SBF2: variants seen among roughly 807,000 people sequenced by gnomAD.
The protein encoded by SBF2 is SET binding factor 2.
A neutral mutation model predicts 225.2 loss-of-function variants in SBF2; 112 were observed. That is an observed-to-expected ratio of 0.50 (90% CI 0.43 to 0.58). The LOEUF (loss-of-function observed/expected upper bound fraction) is 0.58. Among genes scored for constraint, SBF2 ranks in the 20% least tolerant of loss-of-function variants. The probability of loss-of-function intolerance (pLI) is 0.00; values close to 1 mark genes in which losing one functional copy is unlikely to be tolerated. For missense variants in SBF2, 1,996 were observed against 2,206.2 expected (o/e 0.90, Z 1.91); for synonymous variants, 763 against 773.3 (o/e 0.99, Z 0.22).
intron 1 of SBF2, among the ~76,000 whole-genome samples, chr11:10,235,827 C>A (rs1178211427): frequency 6.6e-6 from 1 of 151,946 alleles, no homozygotes; most frequent in African/African-American, 2.4e-5. Context: ...AAAATGTAGT[C>A]CAGGATGAGG....
chr11:10,074,570 C>A (rs542087556), intron 2 of SBF2, among the ~76,000 whole-genome samples: 4 of 152,240 alleles, frequency 2.6e-5, no homozygotes, highest in Non-Finnish European at 5.9e-5. Flanking sequence ...GCTATATATT[C>A]ATCTTTTGCT....
intron 1 of SBF2, among the ~76,000 whole-genome samples, chr11:10,293,120 A>C (rs188465530): frequency 1.3e-5 from 2 of 152,362 alleles, no homozygotes; most frequent in African/African-American, 4.8e-5. Flanking sequence ...GAATTGCCCT[A>C]AAATAGAAGT....
At chr11:10,140,789 C>T (rs749674755) in intron 2 of SBF2, among the ~76,000 whole-genome samples, 3 of 151,998 alleles carry the variant, frequency 2.0e-5, no homozygotes, top group Admixed American at 6.6e-5. Flanking sequence ...TGTAGTAACC[C>T]CAAGTATATA....
Position 9,845,642 on chromosome 11 carries a change from ACTG to A in SBF2, c.3030_3032del (p.Ser1011del). On this transcript the variant is annotated inframe_deletion, in exon 24 of 40. Coordinates refer to ENST00000256190, the MANE Select transcript of SBF2 (RefSeq NM_030962.4). ...TTTGTCCAGCAGCAAAAGCAAAGGT[ACTG>A]AAAATGGACTGAGGATAACGGAACT... The A allele has an allele frequency of 6.2e-7, 1 of 1,613,920 alleles. No homozygotes were observed. Among genetic ancestry groups the A allele is most frequent in the Non-Finnish European group, 8.5e-7 (1 of 1,179,774 alleles).
At chr11:9,995,696 G>A (rs1304009442) in intron 9 of SBF2, among the ~76,000 whole-genome samples, 1 of 150,380 alleles carries the variant, frequency 6.6e-6, no homozygotes, top group African/African-American at 2.5e-5. Context: ...TGTTGTCCAG[G>A]CTGGAGTGCA....
chr11:10,121,247 T>C (rs760541562), intron 2 of SBF2, among the ~76,000 whole-genome samples: 1 of 152,206 alleles, frequency 6.6e-6, no homozygotes, highest in Non-Finnish European at 1.5e-5. Context: ...AGGTAATGGT[T>C]GAAATACAAT....
chr11:10,296,483 G>C (rs183350986), upstream of SBF2, among the ~76,000 whole-genome samples: 198 of 152,232 alleles, frequency 1.3e-3, 2 homozygotes, highest in Middle Eastern at 0.027. Flanking sequence ...AACAGCAGGA[G>C]AAAGACCCGC....
intron 1 of SBF2, among the ~76,000 whole-genome samples, chr11:10,257,936 G>A (rs930627812): frequency 6.6e-6 from 1 of 152,086 alleles, no homozygotes; most frequent in African/African-American, 2.4e-5. Context: ...CAGCCTGGGT[G>A]ATAGAGCAAG....
chr11:9,962,297 T>C (rs900184977), intron 15 of SBF2, among the ~76,000 whole-genome samples, 191 bp from the exon 16 acceptor site: 2 of 152,258 alleles, frequency 1.3e-5, no homozygotes, highest in African/African-American at 2.4e-5. Context: ...TATTTTTATA[T>C]GTAAACCAGC....
At position 9,839,502 on chromosome 11, in the gene SBF2, G is replaced by A. The variant is rs140550985; in HGVS notation, c.3451C>T (p.Arg1151Trp). 3.5e-5 allele frequency: 56 copies of A among 1,613,898 alleles called. No individual in the cohort carries two copies. Among genetic ancestry groups the A allele is most frequent in the Non-Finnish European group, 4.4e-5 (52 of 1,179,904 alleles). Residue 1151 changes from arginine to tryptophan, a missense_variant, in exon 26 of 40, where the codon CGG (arginine) becomes TGG (tryptophan). Transcript: ENST00000256190. ...GGAGCCCACTGACACACTTACCTCC[G>A]GCAGAGTGAATACATCCTGTTGGAG... Reference protein sequence around the residue: ...TASNRMYSLCRSYPGLLVVPQ... With the variant: ...TASNRMYSLCWSYPGLLVVPQ...
At chr11:10,124,137 T>G (rs958761430) in intron 2 of SBF2, among the ~76,000 whole-genome samples, 4 of 152,244 alleles carry the variant, frequency 2.6e-5, no homozygotes, top group Admixed American at 1.3e-4. Context: ...GCAATATGTG[T>G]TTCTTCAGTG....
intron 22 of SBF2, among the ~76,000 whole-genome samples, chr11:9,848,844 C>A (rs939750965): frequency 1.3e-5 from 2 of 152,208 alleles, no homozygotes; most frequent in Non-Finnish European, 2.9e-5. Flanking sequence ...TGAACTGTTG[C>A]GCATTATATG....
chr11:10,104,006 C>T (rs953669710), intron 2 of SBF2, among the ~76,000 whole-genome samples: 1 of 151,810 alleles, frequency 6.6e-6, no homozygotes, highest in South Asian at 2.1e-4. Flanking sequence ...TCACTTGTGC[C>T]CAGGAGGTGG....
At chr11:9,842,277 C>T (rs1047221320) in intron 25 of SBF2, among the ~76,000 whole-genome samples, 7 of 152,192 alleles carry the variant, frequency 4.6e-5, no homozygotes, top group African/African-American at 1.7e-4. Context: ...TGTTCAATGT[C>T]CTTACCTTAA....
chr11:9,797,685 A>ACTGG (rs1264586305), intron 32 of SBF2, among the ~76,000 whole-genome samples: 1 of 152,238 alleles, frequency 6.6e-6, no homozygotes, highest in African/African-American at 2.4e-5. Context: ...AATTATAAAA[A>ACTGG]CTGGCTGGGC....
At chr11:10,250,392 T>G (rs929359888) in intron 1 of SBF2, among the ~76,000 whole-genome samples, 3 of 152,230 alleles carry the variant, frequency 2.0e-5, no homozygotes, top group African/African-American at 7.2e-5. Flanking sequence ...TTGTCCTTCT[T>G]GAGTCCTTAA....
At position 9,788,252 on chromosome 11, in the gene SBF2, C is replaced by G. The variant is rs1233506899; in HGVS notation, c.4933-514G>C. On this transcript the variant is annotated intron_variant, in intron 35 of 39. Coordinates refer to ENST00000256190, the MANE Select transcript of SBF2 (RefSeq NM_030962.4). ...GAAATCAGGGCAGCTGCCTCTGTGACTGTATGACCACTGAAGCATACTCTT... is the reference window on the plus strand; with the variant it reads ...GAAATCAGGGCAGCTGCCTCTGTGAGTGTATGACCACTGAAGCATACTCTT... 2.0e-5 allele frequency among the ~76,000 whole-genome samples: 3 copies of G among 152,200 alleles called. No homozygotes were observed. The East Asian group carries it at 5.8e-4, about 29-fold the overall frequency.
chr11:10,254,900 C>CAAAA lies in SBF2; in HGVS notation c.55+39111_55+39114dup, dbSNP rs71034757. 8.8e-4 allele frequency among the ~76,000 whole-genome samples: 39 copies of CAAAA among 44,076 alleles called. 6 individuals carry two copies. Among genetic ancestry groups the CAAAA allele is most frequent in the Middle Eastern group, 0.05 (2 of 40 alleles). The allele number at this position is 44,076 out of a possible 152,430, so 28.9% of individuals were successfully genotyped here. ...TGGGTGACAGAGTGAGACTCTGTCTCAAAAAAAAAAAAAAAAAAAAAAAAA... is the reference window on the plus strand; with the variant it reads ...TGGGTGACAGAGTGAGACTCTGTCTCAAAAAAAAAAAAAAAAAAAAAAAAAAAAA... On this transcript the variant is annotated intron_variant, in intron 1 of 39. Coordinates refer to ENST00000256190, the MANE Select transcript of SBF2 (RefSeq NM_030962.4).
At chr11:10,241,431 T>A (rs544449040) in intron 1 of SBF2, among the ~76,000 whole-genome samples, 1 of 152,226 alleles carries the variant, frequency 6.6e-6, no homozygotes, top group African/African-American at 2.4e-5. Context: ...GGACAGCAGA[T>A]TAAATCCAAT....
Sources: allele counts gnomAD v4.1 joint callset (sites outside exome capture counted in the v4.1 genomes callset), GRCh38; gene constraint gnomAD v4.1.1; transcripts MANE v1.5; gene names NCBI Gene and HGNC (gene_info 2026-07-23, HGNC 2026-07-21).